Variants in OXSR1 observed in about 807,000 individuals in gnomAD.
The protein encoded by OXSR1 is serine/threonine-protein kinase OSR1.
Under a neutral mutation model 79.8 loss-of-function variants are expected in OXSR1, and 24 were observed. The ratio of observed to expected loss-of-function variants is 0.30; its 90% CI spans 0.22 to 0.42. OXSR1 has a LOEUF of 0.42. Ranked by LOEUF, OXSR1 falls within the 10% of genes least tolerant of loss-of-function variation. The pLI is 1.00. For synonymous variants in OXSR1, 226 were observed against 209.2 expected (o/e 1.08, Z -0.69); for missense variants, 430 against 618.4 (o/e 0.70, Z 3.23).
chr3:38,237,393 C>A (rs1702941427), intron 11 of OXSR1, among the ~76,000 whole-genome samples: 1 of 152,116 alleles, frequency 6.6e-6, no homozygotes, highest in Non-Finnish European at 1.5e-5. Context: ...GTGTGTGTTT[C>A]CTAAAAACAG....
chr3:38,190,961 T>C (rs1252412377), intron 3 of OXSR1, 122 bp downstream of exon 3: 15 of 664,726 alleles, frequency 2.3e-5, no homozygotes, highest in Middle Eastern at 4.9e-4. Flanking sequence ...ACTGAAAATA[T>C]AGTATTTGCT....
chr3:38,198,922 T>C (rs1312751454), intron 4 of OXSR1, 59 bp downstream of exon 4: 1 of 1,451,470 alleles, frequency 6.9e-7, no homozygotes, highest in South Asian at 1.2e-5. Flanking sequence ...TCCCACTCTT[T>C]TACAGAATCG....
chr3:38,173,963 C>A (rs953988996), intron 1 of OXSR1, among the ~76,000 whole-genome samples: 2 of 152,036 alleles, frequency 1.3e-5, no homozygotes, highest in Admixed American at 6.6e-5. Flanking sequence ...TGAGGAAAGA[C>A]CTGAAGAAGG....
intron 3 of OXSR1, among the ~76,000 whole-genome samples, chr3:38,191,512 T>C (rs1222028456): frequency 2.0e-5 from 3 of 152,192 alleles, no homozygotes; most frequent in Non-Finnish European, 4.4e-5. Flanking sequence ...TTTAACTTGA[T>C]CTGTAGTCCT....
Position 38,227,012 on chromosome 3 carries a change from G to A in OXSR1, c.836+2308G>A, listed in dbSNP as rs1702702752. ...GTGGTGAATGGCATGTAGGAACTCT[G>A]TACTAGCTTTGCAGCTCTTCTGTAA... On this transcript the variant is annotated intron_variant, in intron 8 of 17. Transcript: ENST00000311806. 2.0e-5 allele frequency among the ~76,000 whole-genome samples: 3 copies of A among 152,126 alleles called. No individual in the cohort carries two copies. In the South Asian group the frequency reaches 6.2e-4, roughly 31 times the overall value.
At chr3:38,170,233 A>T (rs1701551850) in intron 1 of OXSR1, among the ~76,000 whole-genome samples, 1 of 151,714 alleles carries the variant, frequency 6.6e-6, no homozygotes, top group Non-Finnish European at 1.5e-5. Context: ...TTTAGTAGAG[A>T]CTGGGTTTCA....
intron 4 of OXSR1, among the ~76,000 whole-genome samples, chr3:38,208,404 G>T (rs1702312588): frequency 6.6e-6 from 1 of 152,142 alleles, no homozygotes; most frequent in Non-Finnish European, 1.5e-5. Flanking sequence ...GGGACCCTCG[G>T]TGTTTCCAAG....
At chr3:38,241,178 A>G (rs897136949) in intron 11 of OXSR1, among the ~76,000 whole-genome samples, 1 of 152,230 alleles carries the variant, frequency 6.6e-6, no homozygotes, top group Non-Finnish European at 1.5e-5. Context: ...AATGAGGGGC[A>G]GATGAACATG....
At chr3:38,192,382 C>T (rs565642354) in intron 3 of OXSR1, among the ~76,000 whole-genome samples, 12 of 152,222 alleles carry the variant, frequency 7.9e-5, no homozygotes, top group Non-Finnish European at 1.3e-4. Context: ...ATTTTTTCCT[C>T]GGGAATGGTA....
intron 8 of OXSR1, among the ~76,000 whole-genome samples, chr3:38,227,966 T>C (rs992108387): frequency 2.6e-5 from 4 of 152,222 alleles, no homozygotes; most frequent in African/African-American, 9.6e-5. Context: ...CATTCTGTAA[T>C]ATGTGTATTA....
chr3:38,206,284 A>C (rs1702262532), intron 4 of OXSR1, among the ~76,000 whole-genome samples: 1 of 152,188 alleles, frequency 6.6e-6, no homozygotes, highest in Non-Finnish European at 1.5e-5. Flanking sequence ...GCAATTCTGA[A>C]TGAGAATTCC....
intron 13 of OXSR1, among the ~76,000 whole-genome samples, chr3:38,246,987 A>G (rs1703155100): frequency 6.6e-6 from 1 of 151,488 alleles, no homozygotes; most frequent in East Asian, 1.9e-4. Context: ...TTTGCACCCC[A>G]GTAGATCATC....
intron 10 of OXSR1, among the ~76,000 whole-genome samples, chr3:38,233,379 C>T (rs1027445068): frequency 6.6e-6 from 1 of 152,130 alleles, no homozygotes; most frequent in Non-Finnish European, 1.5e-5. Flanking sequence ...GTGGGAAATG[C>T]TCACCCACAT....
At chr3:38,203,530 G>A (rs1210360121) in intron 4 of OXSR1, among the ~76,000 whole-genome samples, 1 of 152,092 alleles carries the variant, frequency 6.6e-6, no homozygotes, top group Non-Finnish European at 1.5e-5. Flanking sequence ...AATTTTTTTT[G>A]TAGAGATTGG....
intron 11 of OXSR1, among the ~76,000 whole-genome samples, chr3:38,238,972 T>C (rs1702973928): frequency 6.6e-6 from 1 of 152,148 alleles, no homozygotes; most frequent in South Asian, 2.1e-4. Flanking sequence ...TCTTAATTTT[T>C]TTAAAATTCT....
chr3:38,250,057 A>G (rs1703224099), intron 15 of OXSR1, 39 bp downstream of exon 15: 1 of 1,256,864 alleles, frequency 8.0e-7, no homozygotes. Context: ...ATAGCTTCCA[A>G]TTTGTGATTC....
chr3:38,208,325 G>T (rs1053023318), intron 4 of OXSR1, among the ~76,000 whole-genome samples: 3 of 152,040 alleles, frequency 2.0e-5, no homozygotes, highest in South Asian at 2.1e-4. Context: ...CTTAGGATGG[G>T]TTTATTGGGA....
intron 9 of OXSR1, 61 bp from the exon 10 acceptor site, chr3:38,230,303 TG>T: frequency 9.7e-7 from 1 of 1,031,524 alleles, no homozygotes; most frequent in Non-Finnish European, 1.5e-6. Flanking sequence ...TGAACTTTTT[TG>T]TGGGTTTTTT....
chr3:38,181,815 G>T (rs972932848), intron 1 of OXSR1, among the ~76,000 whole-genome samples: 1 of 149,616 alleles, frequency 6.7e-6, no homozygotes, highest in Admixed American at 6.6e-5. Flanking sequence ...CCTGGTTCTT[G>T]GTATGACATG....
Sources: allele counts gnomAD v4.1 joint callset (sites outside exome capture counted in the v4.1 genomes callset), GRCh38; gene constraint gnomAD v4.1.1; transcripts MANE v1.5; gene names NCBI Gene and HGNC (gene_info 2026-07-23, HGNC 2026-07-21).